The following ART3 variants were observed in gnomAD, a reference collection of about 807,000 sequenced individuals.
The protein encoded by ART3 is ADP-ribosyltransferase 3 (inactive), also known as ecto-ADP-ribosyltransferase 3.
Under a neutral mutation model 48.5 loss-of-function variants are expected in ART3, and 49 were observed. The observed-to-expected ratio is 1.01, with a 90% confidence interval of 0.80 to 1.28. The LOEUF (loss-of-function observed/expected upper bound fraction) is 1.28. Among genes scored for constraint, ART3 ranks in the 50% most tolerant of loss-of-function variants. ART3 has a pLI of 0.00. For missense variants in ART3, 438 were observed against 454.3 expected (o/e 0.96, Z 0.33); for synonymous variants, 145 against 157.2 (o/e 0.92, Z 0.58).
chr4:76,013,385 A>T (rs1731977667), intron 1 of ART3, among the ~76,000 whole-genome samples: 1 of 152,160 alleles, frequency 6.6e-6, no homozygotes, highest in Admixed American at 6.6e-5. Context: ...CTATGTGGGG[A>T]GGAGACACTG....
intron 1 of ART3, among the ~76,000 whole-genome samples, chr4:76,052,160 C>G (rs1256621709): frequency 6.6e-6 from 1 of 152,084 alleles, no homozygotes; most frequent in Admixed American, 6.5e-5. Context: ...GTGGGCAGAT[C>G]ACCTGAAGTC....
chr4:76,028,154 C>A (rs1289054667), intron 1 of ART3, among the ~76,000 whole-genome samples: 3 of 142,044 alleles, frequency 2.1e-5, no homozygotes, highest in Non-Finnish European at 3.0e-5. Flanking sequence ...CAAATGTGAT[C>A]AACATGGAAA....
rs754619888 is a variant in ART3 at position 76,082,321 on chromosome 4, C to T, written c.567C>T (p.Ala189=). 1.2e-6 allele frequency: 2 copies of T among 1,614,212 alleles called. No individual in the cohort carries two copies. Among genetic ancestry groups the T allele is most frequent in the Middle Eastern group, 1.6e-4 (1 of 6,062 alleles). Reference sequence around the variant, plus strand: ...GCCATTTTACCTTGGCATATTCAGCCAAACCTCAGGCTGCTAATGACCAGC... The same window carrying T: ...GCCATTTTACCTTGGCATATTCAGCTAAACCTCAGGCTGCTAATGACCAGC... ...RFGHFTLAYS[A]KPQAANDQLT... Residue 189 remains alanine, a synonymous_variant, in exon 3 of 12, where the codon GCC becomes GCT. Coordinates refer to ENST00000355810, the MANE Select transcript of ART3 (RefSeq NM_001130016.3).
chr4:76,018,488 A>G (rs543222066), intron 1 of ART3, among the ~76,000 whole-genome samples: 2 of 152,264 alleles, frequency 1.3e-5, no homozygotes, highest in African/African-American at 4.8e-5. Flanking sequence ...ATCTGGTACT[A>G]TGTTCATTAC....
At chr4:76,072,591 A>T (rs1423329644), upstream of ART3, among the ~76,000 whole-genome samples, 2 of 151,266 alleles carry the variant, frequency 1.3e-5, no homozygotes, top group East Asian at 3.9e-4. Flanking sequence ...CCTACAGACC[A>T]TTCTCAGCAT....
At chr4:76,055,234 C>T (rs1258621014) in intron 1 of ART3, among the ~76,000 whole-genome samples, 1 of 152,218 alleles carries the variant, frequency 6.6e-6, no homozygotes, top group African/African-American at 2.4e-5. Context: ...CTCTGAGTGT[C>T]TACCTCTCAC....
intron 1 of ART3, among the ~76,000 whole-genome samples, chr4:76,052,953 T>G (rs977406477): frequency 3.9e-5 from 6 of 152,092 alleles, no homozygotes; most frequent in Non-Finnish European, 8.8e-5. Context: ...GGTCTCAAAC[T>G]CCTGGTCTTA....
chr4:76,103,888 A>G (rs1378844138), intron 8 of ART3, 49 bp from the exon 9 acceptor site: 11 of 1,515,972 alleles, frequency 7.3e-6, no homozygotes, highest in Non-Finnish European at 9.1e-6. Context: ...GAGTATTAAC[A>G]GTATAAGATA....
rs1201519194 is a variant in ART3, at chr4:76,014,295, CA to C, written c.-10+2982del. ...TCAAAGAACTAAAGGAAATCATGTA[CA>C]AAAAAACAAAAGGAAACAAGACAAA... On this transcript the variant is annotated intron_variant, in intron 1 of 9. Transcript: ENST00000341029. Among the ~76,000 whole-genome samples, 3 of 150,278 alleles carry C rather than the reference CA, an allele frequency of 2.0e-5. No homozygotes were observed. The East Asian group carries it at 5.8e-4, about 29-fold the overall frequency.
At chr4:76,093,554 G>GA (rs753527752) in intron 3 of ART3, among the ~76,000 whole-genome samples, 43 of 152,120 alleles carry the variant, frequency 2.8e-4, no homozygotes, top group Non-Finnish European at 5.6e-4. Context: ...AGCTCACCTG[G>GA]AAAATCCAAG....
upstream of ART3, among the ~76,000 whole-genome samples, chr4:76,070,177 TTCC>T (rs2149501167): frequency 3.9e-5 from 1 of 25,474 alleles, no homozygotes; most frequent in East Asian, 0.026. Context: ...GTATAATGAA[TTCC>T]TGTTCTTTTA....
At chr4:76,106,073 T>G (rs1366906513) in intron 10 of ART3, 7 of 985,256 alleles carry the variant, frequency 7.1e-6, no homozygotes, top group Middle Eastern at 5.2e-4. Flanking sequence ...GGAGCTCATT[T>G]AATCCAATAC....
At chr4:76,078,996 G>A (rs570195567) in intron 2 of ART3, among the ~76,000 whole-genome samples, 2 of 152,106 alleles carry the variant, frequency 1.3e-5, no homozygotes, top group Non-Finnish European at 2.9e-5. Flanking sequence ...CGGGAGAATG[G>A]CGTGAACCCG....
chr4:76,111,806 C>T (rs148870163), intron 11 of ART3: 1,797 of 152,624 alleles, frequency 0.012, 32 homozygotes, highest in African/African-American at 0.039. Context: ...TCCCACAGTG[C>T]TGGGATTACA....
intron 1 of ART3, among the ~76,000 whole-genome samples, chr4:76,043,333 C>T (rs964479919): frequency 6.6e-6 from 1 of 151,894 alleles, no homozygotes; most frequent in Non-Finnish European, 1.5e-5. Context: ...GACTGGGCAC[C>T]GTGGAGCAGG....
At chr4:76,103,788 G>A in intron 8 of ART3, 149 bp from the exon 9 acceptor site, 1 of 636,960 alleles carries the variant, frequency 1.6e-6, no homozygotes, top group Non-Finnish European at 2.6e-6. Context: ...GCCATTGAAA[G>A]GTGTTTTTGT....
intron 1 of ART3, chr4:76,023,286 C>G: frequency 1.9e-6 from 2 of 1,072,990 alleles, no homozygotes; most frequent in Non-Finnish European, 2.8e-6. Context: ...GAAACTTTTA[C>G]AAATACATTA....
intron 3 of ART3, 94 bp from the exon 4 acceptor site, chr4:76,097,550 C>A: frequency 9.4e-7 from 1 of 1,064,658 alleles, no homozygotes; most frequent in Non-Finnish European, 1.4e-6. Context: ...AAACCAGGAG[C>A]TGACAGATTA....
chr4:76,048,053 G>A (rs768237997), intron 1 of ART3, among the ~76,000 whole-genome samples: 2 of 151,870 alleles, frequency 1.3e-5, no homozygotes, highest in Admixed American at 6.6e-5. Flanking sequence ...TTTTATGGTC[G>A]TTTGGAGATT....
Sources: allele counts gnomAD v4.1 joint callset (sites outside exome capture counted in the v4.1 genomes callset), GRCh38; gene constraint gnomAD v4.1.1; transcripts MANE v1.5; gene names NCBI Gene and HGNC (gene_info 2026-07-23, HGNC 2026-07-21).